Variants in RTL4 observed in about 807,000 individuals in gnomAD.
RTL4 encodes retrotransposon Gag-like protein 4.
In RTL4, 4 loss-of-function variants were observed where a neutral mutation model predicts 5.3. That is an observed-to-expected ratio of 0.75 (90% CI 0.37 to 1.72). The LOEUF is 1.72. Among genes scored for constraint, RTL4 ranks in the 40% most tolerant of loss-of-function variants. RTL4 has a pLI of 0.04. For missense variants in RTL4, 260 were observed against 227.1 expected, an observed-to-expected ratio of 1.14 and a Z score of -0.93; for synonymous variants, 98 against 87.3, an observed-to-expected ratio of 1.12 and a Z score of -0.68.
the RTL4 span, among the ~76,000 whole-genome samples, chrX:112,379,293 T>C: frequency 4.6e-4 from 52 of 112,014 alleles, no homozygotes; most frequent in African/African-American, 1.7e-3. Context: ...CAATGACCAC[T>C]GTATTGTGTT....
At chrX:112,127,623 T>C in the RTL4 span, among the ~76,000 whole-genome samples, 65 of 111,665 alleles carry the variant, frequency 5.8e-4, no homozygotes, top group African/African-American at 2.0e-3. Flanking sequence ...TTGGAAAGGA[T>C]GAAGTAAAAC....
chrX:112,309,228 G>A, the RTL4 span, among the ~76,000 whole-genome samples: 1 of 111,130 alleles, frequency 9.0e-6, no homozygotes, highest in African/African-American at 3.3e-5. Flanking sequence ...CTCCAGTAAG[G>A]TCTTTCTTCT....
the RTL4 span, among the ~76,000 whole-genome samples, chrX:112,427,793 T>C: frequency 4.5e-5 from 5 of 111,286 alleles, no homozygotes; most frequent in African/African-American, 1.6e-4. Context: ...ATTTCAGTAG[T>C]TTCTGTGGTA....
chrX:112,342,017 G>A, the RTL4 span, among the ~76,000 whole-genome samples: 2 of 110,981 alleles, frequency 1.8e-5, no homozygotes, highest in Non-Finnish European at 3.8e-5. Flanking sequence ...AGAGGACTCC[G>A]GGGGCCTAAC....
At chrX:112,455,036 T>G (rs2147894735) in exon 1 of RTL4, 1 of 1,210,115 alleles carries the variant, frequency 8.3e-7, no homozygotes, top group South Asian at 1.8e-5. Flanking sequence ...TTTGATTACC[T>G]ATCTCAGCAG....
the RTL4 span, among the ~76,000 whole-genome samples, chrX:112,232,162 G>A: frequency 9.0e-6 from 1 of 111,163 alleles, no homozygotes; most frequent in Non-Finnish European, 1.9e-5. Flanking sequence ...GTCAGCTAAG[G>A]CAGGCAGTAG....
At chrX:112,358,451 A>G in the RTL4 span, among the ~76,000 whole-genome samples, 1 of 111,589 alleles carries the variant, frequency 9.0e-6, no homozygotes, top group Non-Finnish European at 1.9e-5. Context: ...TTTTTGTAGA[A>G]TAGAACTTTA....
downstream of RTL4, among the ~76,000 whole-genome samples, chrX:112,457,486 A>G (rs1352416263): frequency 1.8e-5 from 2 of 111,629 alleles, no homozygotes; most frequent in African/African-American, 3.3e-5. Context: ...TTCTACCTCC[A>G]TCAATTCTAT....
At chrX:112,127,334 T>G in the RTL4 span, among the ~76,000 whole-genome samples, 1 of 111,359 alleles carries the variant, frequency 9.0e-6, no homozygotes, top group East Asian at 2.8e-4. Flanking sequence ...CATGATCATC[T>G]GAACTGATGC....
At chrX:112,191,169 C>T in the RTL4 span, among the ~76,000 whole-genome samples, 1 of 111,898 alleles carries the variant, frequency 8.9e-6, no homozygotes, top group South Asian at 3.8e-4. Context: ...ATTTCTGCCT[C>T]CTTATAACCA....
chrX:112,311,840 TCTC>T, the RTL4 span, among the ~76,000 whole-genome samples: 1 of 110,601 alleles, frequency 9.0e-6, no homozygotes, highest in Non-Finnish European at 1.9e-5. Flanking sequence ...ACAAAAACCT[TCTC>T]CTCTATTCCC....
chrX:112,238,929 GGAAA>G, the RTL4 span, among the ~76,000 whole-genome samples: 1 of 111,692 alleles, frequency 9.0e-6, no homozygotes, highest in African/African-American at 3.3e-5. Context: ...CTGAAGCAGT[GGAAA>G]GAAACTGATC....
At chrX:112,165,439 C>T in the RTL4 span, among the ~76,000 whole-genome samples, 4 of 111,329 alleles carry the variant, frequency 3.6e-5, no homozygotes, top group African/African-American at 6.5e-5. Context: ...ACTCCACCCT[C>T]CTGTTCTAGG....
the RTL4 span, among the ~76,000 whole-genome samples, chrX:112,429,614 AT>A: frequency 1.8e-5 from 2 of 111,131 alleles, no homozygotes; most frequent in African/African-American, 6.5e-5. Flanking sequence ...AAAAATTTTT[AT>A]TTCACCTTTA....
chrX:112,172,116 G>A, the RTL4 span, among the ~76,000 whole-genome samples: 1 of 112,290 alleles, frequency 8.9e-6, no homozygotes, highest in African/African-American at 3.2e-5. Context: ...GATCACTTGA[G>A]GAGTTCAAAT....
chrX:112,115,411 C>A, the RTL4 span, among the ~76,000 whole-genome samples: 1 of 111,525 alleles, frequency 9.0e-6, no homozygotes, highest in Non-Finnish European at 1.9e-5. Context: ...TGGGACCTTA[C>A]CCTTGTCCTA....
At chrX:112,271,063 A>AC in the RTL4 span, among the ~76,000 whole-genome samples, 1 of 108,425 alleles carries the variant, frequency 9.2e-6, no homozygotes, top group African/African-American at 3.4e-5. Context: ...AAAAAAAAAA[A>AC]AAAAAAAACC....
the RTL4 span, among the ~76,000 whole-genome samples, chrX:112,159,480 G>C: frequency 2.7e-5 from 3 of 111,636 alleles, no homozygotes; most frequent in African/African-American, 9.8e-5. Flanking sequence ...CCAATCTCAG[G>C]TACCAAAGAC....
the RTL4 span, among the ~76,000 whole-genome samples, chrX:112,260,250 T>C: frequency 3.6e-5 from 4 of 111,302 alleles, no homozygotes; most frequent in Non-Finnish European, 7.5e-5. Flanking sequence ...GTCTAGCTCT[T>C]GGAAGCAAGT....
Sources: gnomAD v4.1 joint callset for allele counts (sites outside exome capture counted in the v4.1 genomes callset) on GRCh38, gnomAD v4.1.1 for gene constraint, MANE v1.5 for transcripts, NCBI Gene and HGNC (gene_info 2026-07-23, HGNC 2026-07-21) for gene names.